PPP3CA: variants seen among roughly 807,000 people sequenced by gnomAD.
PPP3CA encodes protein phosphatase 3 catalytic subunit alpha.
A neutral mutation model predicts 66.5 loss-of-function variants in PPP3CA; 14 were observed. The observed-to-expected ratio is 0.21, with a 90% confidence interval of 0.14 to 0.33. PPP3CA has a LOEUF of 0.33. PPP3CA is among the 10% of genes least tolerant of loss of function. The probability of loss-of-function intolerance (pLI) is 1.00; values close to 1 mark genes in which losing one functional copy is unlikely to be tolerated. For synonymous variants in PPP3CA, 232 were observed against 226.2 expected, an observed-to-expected ratio of 1.03 and a Z score of -0.23; for missense variants, 317 against 639.5, an observed-to-expected ratio of 0.50 and a Z score of 5.44.
At chr4:101,316,974 G>A (rs1728901877) in intron 1 of PPP3CA, among the ~76,000 whole-genome samples, 1 of 152,104 alleles carries the variant, frequency 6.6e-6, no homozygotes, top group South Asian at 2.1e-4. Context: ...GGAAGATAGA[G>A]GAAGGAGTCA....
At chr4:101,124,751 GAA>G (rs779184596) in intron 2 of PPP3CA, among the ~76,000 whole-genome samples, 2 of 120,960 alleles carry the variant, frequency 1.7e-5, no homozygotes, top group African/African-American at 3.7e-5. Flanking sequence ...AAGAAAGAAA[GAA>G]AGAAAGAAAG....
chr4:101,318,703 A>G (rs1386457946), intron 1 of PPP3CA, among the ~76,000 whole-genome samples: 1 of 152,188 alleles, frequency 6.6e-6, no homozygotes, highest in Non-Finnish European at 1.5e-5. Flanking sequence ...TTTGTACCTA[A>G]GGAAGAGATT....
Position 101,347,155 on chromosome 4 carries a change from G to A in PPP3CA, c.-359C>T, listed in dbSNP as rs537052902. ...AAGCGCACACACGAGCACCCACCCC[G>A]GCACGGAGACCCAGCACCGCGGAAT... On this transcript the variant is annotated 5_prime_UTR_variant, in exon 1 of 14. Coordinates refer to ENST00000394854, the MANE Select transcript of PPP3CA (RefSeq NM_000944.5). 5.1e-4 allele frequency: 210 copies of A among 411,244 alleles called. 1 individual carries two copies. The highest frequency in any genetic ancestry group is 4.4e-3 in the African/African-American group (201 of 45,582). The allele number at this position is 411,244 out of a possible 1,614,324, so 25.5% of individuals were successfully genotyped here. A position where few individuals can be genotyped will look rare whatever the true frequency, so the allele number is the denominator to read the frequency against.
intron 1 of PPP3CA, among the ~76,000 whole-genome samples, chr4:101,209,029 T>C (rs1449261732): frequency 6.6e-6 from 1 of 152,068 alleles, no homozygotes; most frequent in East Asian, 1.9e-4. Flanking sequence ...AGGCAGAAAA[T>C]ATAGAAACTT....
chr4:101,118,180 C>T (rs1482030634), intron 2 of PPP3CA, among the ~76,000 whole-genome samples: 1 of 151,928 alleles, frequency 6.6e-6, no homozygotes, highest in African/African-American at 2.4e-5. Flanking sequence ...TCATTTCTGG[C>T]ATTTTGCTTT....
chr4:101,083,146 G>A (rs1049586264), intron 7 of PPP3CA, 40 bp downstream of exon 7: 2 of 1,359,736 alleles, frequency 1.5e-6, no homozygotes, highest in African/African-American at 1.5e-5. Flanking sequence ...TCTGGAAAAT[G>A]GACAATGCAT....
chr4:101,281,450 G>C (rs577021311), intron 1 of PPP3CA, among the ~76,000 whole-genome samples: 1 of 152,280 alleles, frequency 6.6e-6, no homozygotes, highest in South Asian at 2.1e-4. Flanking sequence ...TACGTAAGAG[G>C]GGGTGAGATC....
At chr4:101,204,061 C>G (rs2110198456) in intron 1 of PPP3CA, among the ~76,000 whole-genome samples, 1 of 152,256 alleles carries the variant, frequency 6.6e-6, no homozygotes, top group Non-Finnish European at 1.5e-5. Flanking sequence ...CCTCAACCTC[C>G]TGAGCTCAAG....
chr4:101,333,344 G>C (rs1391288601), intron 1 of PPP3CA, among the ~76,000 whole-genome samples: 1 of 115,272 alleles, frequency 8.7e-6, no homozygotes, highest in Non-Finnish European at 1.6e-5. Flanking sequence ...GTCCAGGCTG[G>C]TCTCAAATTC....
intron 2 of PPP3CA, among the ~76,000 whole-genome samples, chr4:101,124,668 A>AGAAAGAAG (rs1425823646): frequency 8.2e-4 from 27 of 32,950 alleles, no homozygotes; most frequent in Non-Finnish European, 1.2e-3. Context: ...AGAGACAGAA[A>AGAAAGAAG]GAAAGAAAGA....
chr4:101,109,218 C>A, intron 2 of PPP3CA, 140 bp from the exon 3 acceptor site: 2 of 855,480 alleles, frequency 2.3e-6, no homozygotes, highest in Non-Finnish European at 3.3e-6. Context: ...AGAAGTACGA[C>A]AGAAAAGCTA....
chr4:101,216,782 C>T (rs903198417), intron 1 of PPP3CA, among the ~76,000 whole-genome samples: 1 of 151,990 alleles, frequency 6.6e-6, no homozygotes, highest in Non-Finnish European at 1.5e-5. Context: ...AACTCCTGGG[C>T]TCTCGCAATC....
chr4:101,301,822 A>T (rs990280602), intron 1 of PPP3CA, among the ~76,000 whole-genome samples: 10 of 147,682 alleles, frequency 6.8e-5, no homozygotes, highest in South Asian at 4.2e-4. Context: ...ACCATATTTT[A>T]TATATATATA....
chr4:101,029,008 A>AT (rs1173500457), intron 13 of PPP3CA, among the ~76,000 whole-genome samples, 158 bp downstream of exon 13: 3 of 152,072 alleles, frequency 2.0e-5, no homozygotes, highest in African/African-American at 7.2e-5. Context: ...ATAGAAGGAC[A>AT]TTTTCCCCTT....
chr4:101,055,306 A>T (rs1184465149), intron 10 of PPP3CA, among the ~76,000 whole-genome samples: 1 of 152,138 alleles, frequency 6.6e-6, no homozygotes, highest in African/African-American at 2.4e-5. Context: ...AGCCTTCTTC[A>T]TTAATGAGCA....
chr4:101,116,441 T>C (rs1721839755), intron 2 of PPP3CA, among the ~76,000 whole-genome samples: 1 of 151,916 alleles, frequency 6.6e-6, no homozygotes, highest in Non-Finnish European at 1.5e-5. Flanking sequence ...TTTCTTCTTT[T>C]CCAAAATCTA....
At position 101,085,672 on chromosome 4, in the gene PPP3CA, A is replaced by C. The variant is rs538497480; in HGVS notation, c.783-2409T>G. Among the ~76,000 whole-genome samples the C allele has an allele frequency of 1.7e-4, 26 of 152,296 alleles. 1 individual carries two copies. Among genetic ancestry groups the C allele is most frequent in the African/African-American group, 6.0e-4 (25 of 41,544 alleles). On this transcript the variant is annotated intron_variant, in intron 6 of 13. Coordinates refer to ENST00000394854, the MANE Select transcript of PPP3CA (RefSeq NM_000944.5). ...TCCTCATAGATCTAGACAATACTTG[A>C]ATATCATCTAGATTCCCACTGTTGC... is the stretch of plus-strand genomic sequence containing the variant.
intron 1 of PPP3CA, among the ~76,000 whole-genome samples, chr4:101,241,423 C>CTCCG (rs1297707832): frequency 6.6e-6 from 1 of 151,878 alleles, no homozygotes; most frequent in Non-Finnish European, 1.5e-5. Flanking sequence ...GTTGCTAACT[C>CTCCG]TAACGAAAAA....
At chr4:101,151,533 T>C (rs1723137384) in intron 2 of PPP3CA, among the ~76,000 whole-genome samples, 1 of 143,972 alleles carries the variant, frequency 6.9e-6, no homozygotes, top group African/African-American at 2.6e-5. Context: ...CACTCCAACA[T>C]GGGTCACAAA....
Sources: gnomAD v4.1 joint callset for allele counts (sites outside exome capture counted in the v4.1 genomes callset) on GRCh38, gnomAD v4.1.1 for gene constraint, MANE v1.5 for transcripts, NCBI Gene and HGNC (gene_info 2026-07-23, HGNC 2026-07-21) for gene names.